Variants in TAF4 observed in about 807,000 individuals in gnomAD.
TAF4 encodes the protein TATA-box binding protein associated factor 4.
A neutral mutation model predicts 90.3 loss-of-function variants in TAF4; 9 were observed. That is an observed-to-expected ratio of 0.10 (90% CI 0.06 to 0.17). The LOEUF is 0.17. Ranked by LOEUF, TAF4 falls within the 10% of genes least tolerant of loss-of-function variation. TAF4 has a pLI of 1.00. For missense variants in TAF4, 1,351 were observed against 1,370.7 expected (o/e 0.99, Z 0.23); for synonymous variants, 818 against 638.9 (o/e 1.28, Z -4.23).
chr20:62,013,906 G>GTGT (rs2055794463), intron 2 of TAF4, among the ~76,000 whole-genome samples: 95 of 107,404 alleles, frequency 8.8e-4, no homozygotes, highest in African/African-American at 3.3e-3. Flanking sequence ...GGCTGACGCG[G>GTGT]GTGTGTGTGT....
At chr20:62,061,661 CCTGA>C (rs965660054) in intron 1 of TAF4, among the ~76,000 whole-genome samples, 2 of 152,186 alleles carry the variant, frequency 1.3e-5, no homozygotes, top group African/African-American at 2.4e-5. Flanking sequence ...GTAATCACAA[CCTGA>C]CTATGACGTT....
At chr20:61,978,558 AGGGGGTGAGACCAACCAAGGCC>A (rs2055511614) in intron 14 of TAF4, among the ~76,000 whole-genome samples, 1 of 143,328 alleles carries the variant, frequency 7.0e-6, no homozygotes, top group Non-Finnish European at 1.5e-5. Flanking sequence ...CAACCAAAGG[AGGGGGTGAGACCAACCAAGGCC>A]GGGGGCGAGA....
chr20:62,035,355 GGACA>G (rs999882011), intron 1 of TAF4, among the ~76,000 whole-genome samples: 1 of 152,204 alleles, frequency 6.6e-6, no homozygotes, highest in African/African-American at 2.4e-5. Context: ...ACTGATGAAA[GGACA>G]GACAGATAAA....
At chr20:61,990,731 T>C (rs2055626269) in intron 14 of TAF4, among the ~76,000 whole-genome samples, 1 of 152,030 alleles carries the variant, frequency 6.6e-6, no homozygotes, top group Non-Finnish European at 1.5e-5. Context: ...AGTGAATCAG[T>C]ACTGAGCAGG....
intron 14 of TAF4, among the ~76,000 whole-genome samples, chr20:61,995,581 G>GAAGAAGTATTAGCCAA (rs150463354): frequency 1.2e-5 from 1 of 80,464 alleles, no homozygotes; most frequent in Non-Finnish European, 2.5e-5. Flanking sequence ...AAAAAAATTT[G>GAAGAAGTATTAGCCAA]AGCCGGGCGC....
chr20:62,064,402 T>C (rs2056109176), intron 1 of TAF4, 49 bp downstream of exon 1: 11 of 1,276,988 alleles, frequency 8.6e-6, no homozygotes, highest in Non-Finnish European at 9.9e-6. Flanking sequence ...AACTGGCAGC[T>C]GGCGCTGCTG....
chr20:61,976,259 G>A lies in TAF4; in HGVS notation c.3167C>T (p.Thr1056Met), dbSNP rs575922992. 12 of 1,614,020 alleles carry A rather than the reference G, an allele frequency of 7.4e-6. No individual in the cohort carries two copies. The highest frequency in any genetic ancestry group is 4.0e-5 in the African/African-American group (3 of 75,068). ...TATGAGGTCCCTGAGGTTGACCCGC[G>A]TGATTCTTTGTCGCGTGAACTGTCT... ...TPRQFTRQRI[T>M]RVNLRDLIFC... Residue 1056 changes from threonine (T) to methionine (M), a missense_variant, in exon 15 of 15, where the codon ACG becomes ATG. Around this residue, in one of 9 missense-constraint regions of TAF4, gnomAD observed 13 missense variants for 40.6 expected, o/e 0.32. Transcript: ENST00000252996.
chr20:62,020,430 C>G (rs1452189262), intron 1 of TAF4, among the ~76,000 whole-genome samples: 1 of 152,280 alleles, frequency 6.6e-6, no homozygotes, highest in African/African-American at 2.4e-5. Context: ...CAACCCTCAG[C>G]TGCTGTCCAG....
Position 61,983,148 on chromosome 20 carries a change from C to T in TAF4, c.3091-6813G>A, listed in dbSNP as rs143502272. 6.0e-3 allele frequency among the ~76,000 whole-genome samples: 911 copies of T among 152,204 alleles called. 5 individuals carry two copies. The highest frequency in any genetic ancestry group is 9.7e-3 in the Non-Finnish European group (659 of 68,004). On this transcript the variant is annotated intron_variant, in intron 14 of 14. Transcript: ENST00000252996. ...AGAAGCCACTAGGGCTCACAGACGCCGATGGCCAACAGTGGAGCTGCCAGG... is the reference window on the plus strand; with the variant it reads ...AGAAGCCACTAGGGCTCACAGACGCTGATGGCCAACAGTGGAGCTGCCAGG...
In TAF4 at chr20:62,011,254, A is replaced by G. The variant is rs543029863; in HGVS notation, c.1642-1089T>C. 7.2e-5 allele frequency among the ~76,000 whole-genome samples: 11 copies of G among 152,266 alleles called. No homozygotes were observed. The South Asian group carries it at 2.3e-3, about 32-fold the overall frequency. On this transcript the variant is annotated intron_variant, in intron 3 of 14. Transcript: ENST00000252996. ...AAAACCTCCAGTGAAGAAAACATAA[A>G]AGGACACACCAAGCTGCTGCTTCTG...
intron 9 of TAF4, among the ~76,000 whole-genome samples, chr20:62,001,020 AC>A (rs1292641734): frequency 6.6e-6 from 1 of 152,212 alleles, no homozygotes; most frequent in African/African-American, 2.4e-5. Context: ...CAGCGCGGGG[AC>A]TTGTGGGGGT....
chr20:62,003,070 A>G (rs766479812), intron 9 of TAF4, 90 bp downstream of exon 9: 42 of 1,116,112 alleles, frequency 3.8e-5, no homozygotes, highest in Non-Finnish European at 5.5e-5. Flanking sequence ...CACGTGGGAA[A>G]GACCCGTGGG....
rs1169681204 is a variant in TAF4, at chr20:62,064,448, C to A, written c.1360+3G>T. ...TTCCCTCCCGCCCCGTGCGGCCACT[C>A]ACCTGGGGGCAGCTGGAAGTTCTGG... On this transcript the variant is annotated splice_donor_region_variant and intron_variant, in intron 1 of 14. Transcript: ENST00000252996. The A allele has an allele frequency of 1.4e-6, 2 of 1,411,466 alleles. No individual in the cohort carries two copies. The highest frequency in any genetic ancestry group is 1.9e-6 in the Non-Finnish European group (2 of 1,074,928). 87.4% of individuals were successfully genotyped at this position (1,411,466 alleles called of 1,614,324 possible).
chr20:62,013,140 A>C (rs1036322436), intron 2 of TAF4, among the ~76,000 whole-genome samples: 11 of 152,230 alleles, frequency 7.2e-5, no homozygotes, highest in African/African-American at 2.7e-4. Context: ...TACTACAATA[A>C]ACATATCATT....
chr20:62,011,316 G>C (rs1270945970), intron 3 of TAF4, among the ~76,000 whole-genome samples: 1 of 152,036 alleles, frequency 6.6e-6, no homozygotes, highest in African/African-American at 2.4e-5. Context: ...TCATCTTTTG[G>C]GAGTCTTCTT....
At chr20:62,016,362 G>C (rs2055812147) in intron 1 of TAF4, among the ~76,000 whole-genome samples, 1 of 152,246 alleles carries the variant, frequency 6.6e-6, no homozygotes. Context: ...GGAAGAGGCA[G>C]ACCCAGCGTC....
chr20:62,023,967 A>G (rs1363348007), intron 1 of TAF4, among the ~76,000 whole-genome samples: 1 of 151,774 alleles, frequency 6.6e-6, no homozygotes, highest in African/African-American at 2.4e-5. Context: ...GGTCCCAGCT[A>G]CTCAGGAGGC....
At chr20:62,055,444 C>A (rs1002076245) in intron 1 of TAF4, among the ~76,000 whole-genome samples, 2 of 152,234 alleles carry the variant, frequency 1.3e-5, no homozygotes, top group Admixed American at 1.3e-4. Context: ...TGCAGGCAGC[C>A]CTGCAATACA....
intron 1 of TAF4, among the ~76,000 whole-genome samples, chr20:62,022,136 C>A (rs971239198): frequency 5.3e-5 from 8 of 152,072 alleles, no homozygotes; most frequent in Middle Eastern, 3.4e-3. Context: ...AATGGTATCA[C>A]GAAAGTGTCT....
Sources: allele counts gnomAD v4.1 joint callset (sites outside exome capture counted in the v4.1 genomes callset), GRCh38; gene constraint gnomAD v4.1.1; regional missense constraint gnomAD v4.1.1; transcripts MANE v1.5; gene names NCBI Gene and HGNC (gene_info 2026-07-23, HGNC 2026-07-21).